Variants in CRX observed in about 807,000 individuals in gnomAD.
CRX encodes cone-rod homeobox, also known as cone-rod homeobox protein.
CRX carries 5 observed loss-of-function variants against 13.1 expected under a neutral mutation model. That is an observed-to-expected ratio of 0.38 (90% CI 0.20 to 0.80). CRX has a LOEUF of 0.80. Ranked by LOEUF, CRX falls within the 30% of genes least tolerant of loss-of-function variation. The pLI, the probability that CRX is intolerant of heterozygous loss-of-function variation, is 0.43. For synonymous variants in CRX, 179 were observed against 171.1 expected (o/e 1.05, Z -0.36); for missense variants, 351 against 391.8 (o/e 0.90, Z 0.88).
rs1198175541 is a variant in CRX at position 47,840,840 on chromosome 19, AT to A, written c.*875del. The stretch of plus-strand genomic sequence containing the variant: ...GCGTTGCTCCTGCCTCAATCTCCCA[AT>A]TAGCTGGGATTACAGGTGTGCTCCA... On this transcript the variant is annotated 3_prime_UTR_variant, in exon 4 of 4. Transcript: ENST00000221996. The A allele has an allele frequency of 1.3e-5, 2 of 150,648 alleles. No individual in the cohort carries two copies. Among genetic ancestry groups the A allele is most frequent in the East Asian group, 3.9e-4 (2 of 5,138 alleles). 9.3% of individuals were successfully genotyped at this position (150,648 alleles called of 1,614,324 possible).
At chr19:47,830,131 G>A (rs1477390746) in intron 1 of CRX, among the ~76,000 whole-genome samples, 2 of 133,004 alleles carry the variant, frequency 1.5e-5, no homozygotes, top group Non-Finnish European at 3.3e-5. Context: ...TTGTCAAAGT[G>A]CAATTAAATG....
chr19:47,827,113 C>A (rs1178111853), intron 1 of CRX, among the ~76,000 whole-genome samples: 1 of 152,172 alleles, frequency 6.6e-6, no homozygotes, highest in South Asian at 2.1e-4. Flanking sequence ...TTAGTAGGGA[C>A]TACACAGGGC....
chr19:47,828,758 G>A (rs1175214524), intron 1 of CRX, among the ~76,000 whole-genome samples: 1 of 151,812 alleles, frequency 6.6e-6, no homozygotes, highest in African/African-American at 2.4e-5. Flanking sequence ...CCCAGGAAAC[G>A]GCTTATGCAA....
chr19:47,835,048 G>A (rs1968099481), intron 2 of CRX, among the ~76,000 whole-genome samples: 1 of 149,874 alleles, frequency 6.7e-6, no homozygotes, highest in Non-Finnish European at 1.5e-5. Context: ...ACTCTGAAGT[G>A]CAATGGTGCA....
At chr19:47,831,608 C>T (rs1008703940) in intron 1 of CRX, among the ~76,000 whole-genome samples, 4 of 152,092 alleles carry the variant, frequency 2.6e-5, no homozygotes, top group African/African-American at 9.7e-5. Context: ...GTTTTTGGTG[C>T]CAAAAAGGTT....
intron 1 of CRX, among the ~76,000 whole-genome samples, chr19:47,829,032 C>T (rs1968012115): frequency 6.6e-6 from 1 of 151,910 alleles, no homozygotes; most frequent in Non-Finnish European, 1.5e-5. Flanking sequence ...TTGCTTCCTT[C>T]CTGGGAATTT....
Position 47,836,414 on chromosome 19 carries a change from GA to G in CRX, c.252+21del, listed in dbSNP as rs1968118739. 1 of 1,614,022 alleles carries G rather than the reference GA, an allele frequency of 6.2e-7. No homozygotes were observed. On this transcript the variant is annotated intron_variant, in intron 3 of 3. Transcript: ENST00000221996. ...GTTCAGGTGGGGTGGTGGGTCCCTG[GA>G]CCCCTCCCGACACTTCCTGTGATCT... is the stretch of plus-strand genomic sequence containing the variant.
At chr19:47,825,688 G>A (rs184593803) in intron 1 of CRX, among the ~76,000 whole-genome samples, 42 of 151,886 alleles carry the variant, frequency 2.8e-4, no homozygotes, top group Admixed American at 5.9e-4. Context: ...GGGAGGCCGA[G>A]GTGGGCGGAT....
At chr19:47,825,771 A>G (rs1967967806) in intron 1 of CRX, among the ~76,000 whole-genome samples, 1 of 151,936 alleles carries the variant, frequency 6.6e-6, no homozygotes, top group Non-Finnish European at 1.5e-5. Context: ...AATACAAAAA[A>G]AAAATTAGCC....
At position 47,839,402 on chromosome 19, in the gene CRX, C is replaced by A. The variant is rs61748439; in HGVS notation, c.335C>A (p.Ala112Asp). 6.2e-7 allele frequency: 1 copy of A among 1,613,758 alleles called. No homozygotes were observed. Among genetic ancestry groups the A allele is most frequent in the East Asian group, 2.2e-5 (1 of 44,876 alleles). The change falls in exon 4 of 4, where the codon GCC becomes GAC. Residue 112 changes from alanine (A) to aspartate (D), a missense_variant. Ala to Asp is a moderately radical substitution (Grantham distance 126). Transcript: ENST00000221996. This position sits in a 1 kb window ranked among gnomAD's most constrained non-coding sequence, Gnocchi z 4.6. The part of the protein sequence containing the change: ...KQQQQPPGGQ[A>D]KARPAKRKAG... ...CAGCAGCAGCCCCCAGGGGGCCAGG[C>A]CAAGGCCCGGCCTGCCAAGAGGAAG...
In CRX at chr19:47,839,580, G is replaced by C. The variant is rs773154643; in HGVS notation, c.513G>C (p.Leu171Phe). ...SIWSPASESP[L>F]PEAQRAGLVA... ...GGAGCCCAGCCTCAGAGTCCCCTTT[G>C]CCTGAGGCGCAGCGGGCTGGGCTGG... The change falls in exon 4 of 4, where the codon TTG becomes TTC. Residue 171 changes from leucine (L) to phenylalanine (F), a missense_variant. Transcript: ENST00000221996. This position sits in a 1 kb window ranked among gnomAD's most constrained non-coding sequence, Gnocchi z 4.6. 3 of 1,612,302 alleles carry C rather than the reference G, an allele frequency of 1.9e-6. No individual in the cohort carries two copies. The African/African-American group carries it at 4.0e-5, about 22-fold the overall frequency.
At chr19:47,832,548 C>T (rs1287212506) in intron 1 of CRX, among the ~76,000 whole-genome samples, 1 of 149,696 alleles carries the variant, frequency 6.7e-6, no homozygotes, top group East Asian at 2.0e-4. Flanking sequence ...TGTGGTGGCA[C>T]CATTTTGGCT....
At chr19:47,831,562 C>A (rs2123735401) in intron 1 of CRX, among the ~76,000 whole-genome samples, 1 of 152,090 alleles carries the variant, frequency 6.6e-6, no homozygotes, top group South Asian at 2.1e-4. Flanking sequence ...GCACTGCCCA[C>A]TCCCATCCAT....
intron 2 of CRX, among the ~76,000 whole-genome samples, chr19:47,835,051 A>G (rs978014943): frequency 6.7e-6 from 1 of 149,576 alleles, no homozygotes; most frequent in Non-Finnish European, 1.5e-5. Flanking sequence ...CTGAAGTGCA[A>G]TGGTGCAATC....
intron 2 of CRX, among the ~76,000 whole-genome samples, chr19:47,835,744 C>T (rs1968110213): frequency 6.6e-6 from 1 of 151,306 alleles, no homozygotes. Context: ...CCCTCAGCCT[C>T]CCGAGTAGCT....
chr19:47,825,030 G>A (rs1301415691), intron 1 of CRX, among the ~76,000 whole-genome samples: 3 of 123,432 alleles, frequency 2.4e-5, no homozygotes, highest in African/African-American at 3.3e-5. Context: ...GTGCTCTGTC[G>A]CCCAGGTTGG....
intron 1 of CRX, among the ~76,000 whole-genome samples, 160 bp from the exon 2 acceptor site, chr19:47,834,249 C>G (rs1968088750): frequency 6.6e-6 from 1 of 152,082 alleles, no homozygotes; most frequent in African/African-American, 2.4e-5. Context: ...TAAGCAGAGG[C>G]CATTTTACAT....
At position 47,836,487 on chromosome 19, in the gene CRX, A is replaced by T. The variant is rs112000985; in HGVS notation, c.252+93A>T. The T allele has an allele frequency of 1.3e-3, 1,979 of 1,521,630 alleles. 19 individuals are homozygous for T. The African/African-American group carries it at 0.02, about 15-fold the overall frequency. The allele number at this position is 1,521,630 out of a possible 1,614,324, so 94.3% of individuals were successfully genotyped here. On this transcript the variant is annotated intron_variant, in intron 3 of 3. Coordinates refer to ENST00000221996, the MANE Select transcript of CRX (RefSeq NM_000554.6). Reference sequence around the variant, plus strand: ...AGAGTGATGGGAGGAGGGAGAGATCACAGAGTGACAGCCAAAGTTATAAAG... The same window carrying T: ...AGAGTGATGGGAGGAGGGAGAGATCTCAGAGTGACAGCCAAAGTTATAAAG...
intron 1 of CRX, among the ~76,000 whole-genome samples, chr19:47,827,923 G>A (rs1337898493): frequency 4.7e-5 from 7 of 147,526 alleles, no homozygotes; most frequent in Admixed American, 6.8e-5. Context: ...GGAGGCCGAG[G>A]CGGGTGGATC....
Sources: gnomAD v4.1 joint callset for allele counts (sites outside exome capture counted in the v4.1 genomes callset) on GRCh38, gnomAD v4.1.1 for gene constraint, Gnocchi (gnomAD v3.1) non-coding constraint, MANE v1.5 for transcripts, NCBI Gene and HGNC (gene_info 2026-07-23, HGNC 2026-07-21) for gene names.